The following TTBK2 variants were observed in gnomAD, a reference collection of about 807,000 sequenced individuals.
TTBK2 encodes the protein tau-tubulin kinase 2.
TTBK2 carries 28 observed loss-of-function variants against 110.8 expected under a neutral mutation model. The ratio of observed to expected loss-of-function variants is 0.25; its 90% CI spans 0.19 to 0.35. TTBK2 has a LOEUF of 0.35. TTBK2 is among the 10% of genes least tolerant of loss of function. The pLI, the probability that TTBK2 is intolerant of heterozygous loss-of-function variation, is 1.00. For synonymous variants in TTBK2, 532 were observed against 527.3 expected, an observed-to-expected ratio of 1.01 and a Z score of -0.12; for missense variants, 1,369 against 1,500.3, an observed-to-expected ratio of 0.91 and a Z score of 1.45.
intron 7 of TTBK2, among the ~76,000 whole-genome samples, chr15:42,815,958 A>AAAAAAAAATATATATAT (rs71108183): frequency 1.1e-5 from 1 of 91,694 alleles, no homozygotes; most frequent in African/African-American, 6.2e-5. Context: ...TTAAAAAAAA[A>AAAAAAAAATATATATAT]ATATATATAT....
chr15:42,882,068 T>C (rs1287557480), intron 1 of TTBK2, among the ~76,000 whole-genome samples: 3 of 151,788 alleles, frequency 2.0e-5, no homozygotes, highest in Non-Finnish European at 2.9e-5. Flanking sequence ...AGTGGGACAA[T>C]ACCAAAAATT....
intron 1 of TTBK2, among the ~76,000 whole-genome samples, chr15:42,899,900 C>A (rs1409702566): frequency 6.6e-6 from 1 of 151,216 alleles, no homozygotes; most frequent in Non-Finnish European, 1.5e-5. Context: ...GAAACTCCAT[C>A]TCAAGAAAAA....
intron 13 of TTBK2, among the ~76,000 whole-genome samples, chr15:42,759,172 G>A (rs575339166): frequency 6.6e-6 from 1 of 152,356 alleles, no homozygotes; most frequent in African/African-American, 2.4e-5. Context: ...GTCCTGCACA[G>A]CAGGAAAACT....
At chr15:42,896,863 T>G (rs1003782607) in intron 1 of TTBK2, among the ~76,000 whole-genome samples, 2 of 152,038 alleles carry the variant, frequency 1.3e-5, no homozygotes, top group Non-Finnish European at 2.9e-5. Context: ...TATTAAAATT[T>G]TTTTAATTTT....
intron 2 of TTBK2, among the ~76,000 whole-genome samples, chr15:42,877,351 C>A (rs1403438581): frequency 6.6e-6 from 1 of 152,150 alleles, no homozygotes; most frequent in East Asian, 1.9e-4. Flanking sequence ...CTAATCAAGC[C>A]TGTAGATACA....
At chr15:42,829,796 TCCAGG>T in intron 5 of TTBK2, 137 bp downstream of exon 5, 1 of 1,152,938 alleles carries the variant, frequency 8.7e-7, no homozygotes, top group Admixed American at 2.2e-5. Context: ...TATTTTTGCT[TCCAGG>T]TCTCTATTGG....
chr15:42,868,812 G>A (rs1894491077), intron 3 of TTBK2, among the ~76,000 whole-genome samples: 1 of 151,874 alleles, frequency 6.6e-6, no homozygotes, highest in Non-Finnish European at 1.5e-5. Flanking sequence ...AGTGAGCTGT[G>A]TTTGGGCCAC....
chr15:42,819,848 G>T (rs1382728612), intron 6 of TTBK2, among the ~76,000 whole-genome samples: 2 of 152,150 alleles, frequency 1.3e-5, no homozygotes, highest in Non-Finnish European at 2.9e-5. Context: ...TGACCCTTCA[G>T]CTAACATAGA....
intron 3 of TTBK2, among the ~76,000 whole-genome samples, chr15:42,868,295 A>G (rs1894464802): frequency 6.6e-6 from 1 of 152,190 alleles, no homozygotes; most frequent in Non-Finnish European, 1.5e-5. Context: ...ATGTCATTAC[A>G]CATTCGTCCA....
chr15:42,915,735 T>C (rs2031045440), intron 1 of TTBK2, among the ~76,000 whole-genome samples: 1 of 152,122 alleles, frequency 6.6e-6, no homozygotes, highest in Admixed American at 6.5e-5. Flanking sequence ...TTGCTTGAAT[T>C]CAGGAGTTCA....
Position 42,790,285 on chromosome 15 carries a change from T to C in TTBK2, c.980+4359A>G, listed in dbSNP as rs4520806. ...CTTCCTCTACAAGATGTATTCTTTGTCTATTTTTTTTTTTTTTGAGTCAGG... is the reference window on the plus strand; with the variant it reads ...CTTCCTCTACAAGATGTATTCTTTGCCTATTTTTTTTTTTTTTGAGTCAGG... On this transcript the variant is annotated intron_variant, in intron 10 of 14. Transcript: ENST00000267890. Among the ~76,000 whole-genome samples the C allele has an allele frequency of 2.2e-3, 236 of 107,912 alleles. 1 individual carries two copies. The highest frequency in any genetic ancestry group is 0.012 in the Middle Eastern group (2 of 166). The allele number at this position is 107,912 out of a possible 152,430, so 70.8% of individuals were successfully genotyped here. A position where few individuals can be genotyped will look rare whatever the true frequency, so the allele number is the denominator to read the frequency against.
chr15:42,850,888 G>GA, intron 3 of TTBK2, among the ~76,000 whole-genome samples: 2 of 151,964 alleles, frequency 1.3e-5, no homozygotes, highest in South Asian at 2.1e-4. Flanking sequence ...CAAAGTGTGA[G>GA]AAAAAAGAAG....
chr15:42,823,552 T>C (rs968126018), intron 6 of TTBK2, among the ~76,000 whole-genome samples: 9 of 152,150 alleles, frequency 5.9e-5, no homozygotes, highest in African/African-American at 1.4e-4. Flanking sequence ...TAAATAAATA[T>C]ACATTTATGT....
intron 1 of TTBK2, among the ~76,000 whole-genome samples, chr15:42,880,221 A>C (rs529389114): frequency 6.6e-6 from 1 of 152,160 alleles, no homozygotes; most frequent in Non-Finnish European, 1.5e-5. Flanking sequence ...CATCAAAGGA[A>C]GCTTTGAATG....
chr15:42,825,810 A>G (rs2140974306), intron 6 of TTBK2, among the ~76,000 whole-genome samples: 1 of 152,336 alleles, frequency 6.6e-6, no homozygotes, highest in African/African-American at 2.4e-5. Context: ...TGGCTACCAT[A>G]TAAGACAGTA....
At chr15:42,912,643 G>A (rs947999402) in intron 1 of TTBK2, among the ~76,000 whole-genome samples, 1 of 151,834 alleles carries the variant, frequency 6.6e-6, no homozygotes, top group Non-Finnish European at 1.5e-5. Flanking sequence ...CCCGGGAGGC[G>A]GAGGTTGCAG....
chr15:42,824,993 T>C (rs1032441254), intron 6 of TTBK2, among the ~76,000 whole-genome samples: 1 of 152,004 alleles, frequency 6.6e-6, no homozygotes, highest in Admixed American at 6.6e-5. Flanking sequence ...ACACCTGTAA[T>C]TTTAGAACTT....
At chr15:42,859,964 A>G (rs1186073269) in intron 3 of TTBK2, among the ~76,000 whole-genome samples, 2 of 152,170 alleles carry the variant, frequency 1.3e-5, no homozygotes, top group African/African-American at 4.8e-5. Context: ...GCTTATTAGT[A>G]GACTGGACAC....
In TTBK2 at chr15:42,828,722, C is replaced by CAA. The variant is rs1223349148; in HGVS notation, c.433-692_433-691dup. 4.3e-3 allele frequency among the ~76,000 whole-genome samples: 219 copies of CAA among 50,546 alleles called. 2 individuals carry two copies. Among genetic ancestry groups the CAA allele is most frequent in the African/African-American group, 0.015 (200 of 13,546 alleles). 33.2% of individuals were successfully genotyped at this position (50,546 alleles called of 152,430 possible). The stretch of plus-strand genomic sequence containing the variant: ...TGGGTGACAGAGTGAGACTCTGTCA[C>CAA]AAAAAAAAAAAAAAAAGATTTTCCT... On this transcript the variant is annotated intron_variant, in intron 5 of 14. Transcript: ENST00000267890.
Sources: gnomAD v4.1 joint callset for allele counts (sites outside exome capture counted in the v4.1 genomes callset) on GRCh38, gnomAD v4.1.1 for gene constraint, MANE v1.5 for transcripts, NCBI Gene and HGNC (gene_info 2026-07-23, HGNC 2026-07-21) for gene names.